Variants in MIDEAS observed in about 807,000 individuals in gnomAD.
MIDEAS encodes mitotic deacetylase-associated SANT domain protein.
Under a neutral mutation model 102.7 loss-of-function variants are expected in MIDEAS, and 26 were observed. The observed-to-expected ratio is 0.25, with a 90% confidence interval of 0.19 to 0.35. The LOEUF is 0.35. Among genes scored for constraint, MIDEAS ranks in the 10% least tolerant of loss-of-function variants. The pLI, the probability that MIDEAS is intolerant of heterozygous loss-of-function variation, is 1.00. For synonymous variants in MIDEAS, 585 were observed against 591.0 expected, an observed-to-expected ratio of 0.99 and a Z score of 0.15; for missense variants, 1,231 against 1,435.6, an observed-to-expected ratio of 0.86 and a Z score of 2.30.
At chr14:73,747,335 G>C (rs962745818) in intron 1 of MIDEAS, among the ~76,000 whole-genome samples, 1 of 152,180 alleles carries the variant, frequency 6.6e-6, no homozygotes, top group African/African-American at 2.4e-5. Context: ...CCTTTGAGGA[G>C]CTTAAGAGCC....
At chr14:73,761,137 G>A (rs2053551263), upstream of MIDEAS, among the ~76,000 whole-genome samples, 1 of 152,140 alleles carries the variant, frequency 6.6e-6, no homozygotes, top group Non-Finnish European at 1.5e-5. Context: ...AAGGAGATGG[G>A]TCACAAGGAG....
At chr14:73,745,112 C>T (rs1377602792) in intron 1 of MIDEAS, among the ~76,000 whole-genome samples, 1 of 152,236 alleles carries the variant, frequency 6.6e-6, no homozygotes, top group African/African-American at 2.4e-5. Flanking sequence ...CTGCCCTGGG[C>T]TCCTGCCTGC....
chr14:73,781,104 G>A (rs2053752754), intron 1 of MIDEAS, among the ~76,000 whole-genome samples: 1 of 152,130 alleles, frequency 6.6e-6, no homozygotes, highest in African/African-American at 2.4e-5. Context: ...TGGAGAATGG[G>A]GTTTGTGCCT....
At chr14:73,749,934 C>G (rs1291599618) in intron 1 of MIDEAS, among the ~76,000 whole-genome samples, 1 of 152,134 alleles carries the variant, frequency 6.6e-6, no homozygotes, top group Non-Finnish European at 1.5e-5. Flanking sequence ...TGAACCTGAC[C>G]CCAAGCTTGA....
chr14:73,721,979 G>A (rs1224413603), intron 10 of MIDEAS, among the ~76,000 whole-genome samples: 1 of 152,178 alleles, frequency 6.6e-6, no homozygotes, highest in Non-Finnish European at 1.5e-5. Flanking sequence ...GATGCTAGGT[G>A]GATACATGGA....
At chr14:73,752,786 G>C (rs2053436370) in intron 1 of MIDEAS, among the ~76,000 whole-genome samples, 1 of 152,210 alleles carries the variant, frequency 6.6e-6, no homozygotes, top group Non-Finnish European at 1.5e-5. Flanking sequence ...AGCTGCTGCA[G>C]GGCCTTTTCT....
upstream of MIDEAS, among the ~76,000 whole-genome samples, chr14:73,788,651 T>C (rs183692242): frequency 9.8e-5 from 15 of 152,344 alleles, no homozygotes; most frequent in East Asian, 2.7e-3. Context: ...ATAATACTGC[T>C]TTGAGAAATA....
rs2053011555 is a variant in MIDEAS at position 73,722,689 on chromosome 14, A to C, written c.2724+9T>G. On this transcript the variant is annotated intron_variant, in intron 10 of 12. Transcript: ENST00000423556. ...GGCTCTATGCAGCTGAGGTTGGAAA[A>C]GGAGTCACCTTAATATCCACTTCAA... The C allele has an allele frequency of 6.2e-7, 1 of 1,613,086 alleles. No homozygotes were observed. The highest frequency in any genetic ancestry group is 1.3e-5 in the African/African-American group (1 of 74,888).
At position 73,725,366 on chromosome 14, in the gene MIDEAS, G is replaced by C. The variant is rs1479757966; in HGVS notation, c.2486-6C>G. The C allele has an allele frequency of 6.2e-7, 1 of 1,613,496 alleles. No homozygotes were observed. ...CATCTTCCACTGGTCAGAGCCTATG[G>C]GGCAAAGAGGCAGCCAGGGAGTGAG... On this transcript the variant is annotated splice_region_variant and splice_polypyrimidine_tract_variant and intron_variant, in intron 8 of 12. Coordinates refer to ENST00000423556, the MANE Select transcript of MIDEAS (RefSeq NM_001367710.1). This position sits in a 1 kb window ranked among gnomAD's most constrained non-coding sequence, Gnocchi z 4.1.
intron 3 of MIDEAS, 136 bp downstream of exon 3, chr14:73,736,862 G>T: frequency 1.1e-6 from 1 of 899,676 alleles, no homozygotes. Context: ...CAGAAGTTTG[G>T]TTTGGAAAAT....
chr14:73,741,089 G>A (rs1184422819), intron 1 of MIDEAS, among the ~76,000 whole-genome samples: 11 of 152,244 alleles, frequency 7.2e-5, no homozygotes, highest in Admixed American at 2.0e-4. Context: ...AGCTGACCCC[G>A]CCCCTGCCTG....
At chr14:73,722,455 G>A in intron 10 of MIDEAS, 2 of 357,814 alleles carry the variant, frequency 5.6e-6, no homozygotes, top group Non-Finnish European at 1.0e-5. Context: ...ATAGGAAGAT[G>A]ATGCTGGTGT....
intron 9 of MIDEAS, chr14:73,723,075 T>G: frequency 2.3e-6 from 1 of 428,714 alleles, no homozygotes; most frequent in Non-Finnish European, 4.2e-6. Context: ...TAAAAAAAGC[T>G]ATAAAGGACA....
intron 11 of MIDEAS, among the ~76,000 whole-genome samples, chr14:73,720,645 C>T (rs990275351): frequency 6.6e-6 from 1 of 152,170 alleles, no homozygotes; most frequent in Non-Finnish European, 1.5e-5. Context: ...CTCTCCCTGG[C>T]AAGGAGCAAC....
rs2053532498 is a variant in MIDEAS at position 73,759,570 on chromosome 14, C to T, written c.-248+193G>A. Among the ~76,000 whole-genome samples, 1 of 148,754 alleles carries T rather than the reference C, an allele frequency of 6.7e-6. No homozygotes were observed. The highest frequency in any genetic ancestry group is 2.4e-5 in the African/African-American group (1 of 41,068). ...GGGCTGCAGGCGGCCCCCGCACGGC[C>T]ACACGCGCCCGCTCCACCGCCGCCC... On this transcript the variant is annotated intron_variant, in intron 1 of 12. Transcript: ENST00000423556. The surrounding 1 kb of genome is among the most constrained non-coding windows in gnomAD (Gnocchi z 6.7).
intron 1 of MIDEAS, among the ~76,000 whole-genome samples, chr14:73,775,910 T>G (rs540524378): frequency 6.6e-6 from 1 of 151,898 alleles, no homozygotes; most frequent in Non-Finnish European, 1.5e-5. Context: ...GTAGCTCCTT[T>G]AGCGCTCTCA....
chr14:73,718,871 T>C lies in MIDEAS; in HGVS notation c.3272A>G (p.Glu1091Gly). ...AAAAHQQALREESGAGDKG is the reference protein window; with the variant it reads ...AAAAHQQALRGESGAGDKG ...GCCCTTGTCGCCCGCACCGCTCTCCTCCCGCAGGGCCTGCTGGTGGGCGGC... is the reference window on the plus strand; with the variant it reads ...GCCCTTGTCGCCCGCACCGCTCTCCCCCCGCAGGGCCTGCTGGTGGGCGGC... The change falls in exon 13 of 13, where the codon GAG (glutamate) becomes GGG (glycine). Residue 1091 changes from glutamate to glycine, a missense_variant. This residue lies in a region of MIDEAS where 71 missense variants were observed against 51.9 expected (regional missense o/e 1.37). Transcript: ENST00000423556. The C allele has an allele frequency of 6.6e-7, 1 of 1,511,038 alleles. No individual in the cohort carries two copies. The highest frequency in any genetic ancestry group is 8.8e-7 in the Non-Finnish European group (1 of 1,136,202). 93.6% of individuals were successfully genotyped at this position (1,511,038 alleles called of 1,614,324 possible).
intron 3 of MIDEAS, among the ~76,000 whole-genome samples, chr14:73,733,705 TTTTG>T (rs1413451616): frequency 1.3e-5 from 2 of 152,210 alleles, no homozygotes; most frequent in Non-Finnish European, 2.9e-5. Flanking sequence ...TTTCTTCTGT[TTTTG>T]TTTGAGACGA....
chr14:73,772,629 T>C (rs975078643), intron 1 of MIDEAS, among the ~76,000 whole-genome samples: 1 of 152,158 alleles, frequency 6.6e-6, no homozygotes, highest in African/African-American at 2.4e-5. Flanking sequence ...GCTATAAATA[T>C]CTTTGGTGTG....
Sources: gnomAD v4.1 joint callset for allele counts (sites outside exome capture counted in the v4.1 genomes callset) on GRCh38, gnomAD v4.1.1 for gene constraint, gnomAD v4.1.1 regional missense constraint, Gnocchi (gnomAD v3.1) non-coding constraint, MANE v1.5 for transcripts, NCBI Gene and HGNC (gene_info 2026-07-23, HGNC 2026-07-21) for gene names.